Variants in MKLN1 observed in about 807,000 individuals in gnomAD.
The protein encoded by MKLN1 is muskelin.
MKLN1 carries 18 observed loss-of-function variants against 99.0 expected under a neutral mutation model. That is an observed-to-expected ratio of 0.18 (90% CI 0.13 to 0.27). The LOEUF is 0.27. Among genes scored for constraint, MKLN1 ranks in the 10% least tolerant of loss-of-function variants. MKLN1 has a pLI of 1.00. For synonymous variants in MKLN1, 288 were observed against 293.2 expected (o/e 0.98, Z 0.18); for missense variants, 621 against 875.9 (o/e 0.71, Z 3.67).
At chr7:131,205,841 T>C (rs1180589907) in intron 3 of MKLN1, among the ~76,000 whole-genome samples, 1 of 151,750 alleles carries the variant, frequency 6.6e-6, no homozygotes, top group Non-Finnish European at 1.5e-5. Context: ...TAAATCTTTC[T>C]CACCTCTGGA....
chr7:131,391,255 T>TA (rs1794191152), intron 4 of MKLN1, among the ~76,000 whole-genome samples: 1 of 152,080 alleles, frequency 6.6e-6, no homozygotes, highest in South Asian at 2.1e-4. Flanking sequence ...GAATTTGACT[T>TA]AAAAAAAGCC....
intron 3 of MKLN1, among the ~76,000 whole-genome samples, chr7:131,268,546 TG>T (rs1797841142): frequency 6.6e-6 from 1 of 152,214 alleles, no homozygotes; most frequent in South Asian, 2.1e-4. Context: ...TCTTCCATCT[TG>T]GGGCTCTGTC....
At chr7:131,191,086 G>A (rs1796534307) in intron 2 of MKLN1, among the ~76,000 whole-genome samples, 1 of 152,232 alleles carries the variant, frequency 6.6e-6, no homozygotes, top group Non-Finnish European at 1.5e-5. Context: ...GTCTTCATCA[G>A]TATAAGGTCA....
At chr7:131,341,924 C>T (rs1490376980) in intron 1 of MKLN1, among the ~76,000 whole-genome samples, 1 of 152,230 alleles carries the variant, frequency 6.6e-6, no homozygotes, top group Non-Finnish European at 1.5e-5. Context: ...CAGTTCCTTA[C>T]AGGAACCAGT....
chr7:131,135,085 C>T (rs1008547153), intron 1 of MKLN1, among the ~76,000 whole-genome samples: 2 of 152,188 alleles, frequency 1.3e-5, no homozygotes, highest in African/African-American at 4.8e-5. Flanking sequence ...TCATCTCCTC[C>T]TTCAGTGGTT....
At chr7:131,314,091 A>G (rs1051551606) in intron 3 of MKLN1, among the ~76,000 whole-genome samples, 4 of 152,192 alleles carry the variant, frequency 2.6e-5, no homozygotes, top group Admixed American at 2.0e-4. Context: ...TTCACTGTAA[A>G]CAACTGCTGT....
chr7:131,154,037 G>T (rs191252802), intron 2 of MKLN1, among the ~76,000 whole-genome samples: 1 of 152,250 alleles, frequency 6.6e-6, no homozygotes, highest in Admixed American at 6.5e-5. Flanking sequence ...GGGGAGGAAT[G>T]TGAGTCTACG....
chr7:131,421,669 A>C (rs1183567942), intron 8 of MKLN1, among the ~76,000 whole-genome samples: 1 of 150,642 alleles, frequency 6.6e-6, no homozygotes, highest in African/African-American at 2.5e-5. Flanking sequence ...AGCAGTGATT[A>C]ATTATGCTGA....
rs367758018 is a variant in MKLN1, at chr7:131,375,485, C to G, written c.160C>G (p.Pro54Ala). 2 of 1,603,784 alleles carry G rather than the reference C, an allele frequency of 1.2e-6. No homozygotes were observed. Among genetic ancestry groups the G allele is most frequent in the African/African-American group, 2.7e-5 (2 of 74,682 alleles). The change falls in exon 2 of 18, where the codon CCT becomes GCT. Residue 54 changes from proline (P) to alanine (A), a missense_variant. Pro to Ala is a conservative substitution (Grantham distance 27). Transcript: ENST00000352689. Reference protein sequence around the residue: ...SSRWSSESNYPPQYLILKLER... With the variant: ...SSRWSSESNYAPQYLILKLER... The stretch of plus-strand genomic sequence containing the variant: ...AAGATGGTCTTCAGAGAGCAACTAT[C>G]CTCCCCAGGTAAGATTACATGTATC...
chr7:131,452,225 T>C (rs980976956), intron 12 of MKLN1, among the ~76,000 whole-genome samples: 16 of 152,182 alleles, frequency 1.1e-4, no homozygotes, highest in East Asian at 1.9e-4. Context: ...AGAAAAATTA[T>C]ATAACTTCTC....
At chr7:131,485,178 G>A (rs1237199813) in intron 17 of MKLN1, among the ~76,000 whole-genome samples, 1 of 152,036 alleles carries the variant, frequency 6.6e-6, no homozygotes, top group Non-Finnish European at 1.5e-5. Context: ...ATTTCAAAAA[G>A]ACACAGAAGC....
At chr7:131,184,489 T>C (rs1411094778) in intron 2 of MKLN1, among the ~76,000 whole-genome samples, 1 of 152,098 alleles carries the variant, frequency 6.6e-6, no homozygotes, top group Non-Finnish European at 1.5e-5. Flanking sequence ...CAAGGCCCCA[T>C]GGGGACTTCC....
intron 2 of MKLN1, among the ~76,000 whole-genome samples, chr7:131,171,175 G>A (rs1468406154): frequency 1.3e-5 from 2 of 152,178 alleles, no homozygotes; most frequent in African/African-American, 4.8e-5. Context: ...TGCTGAAATG[G>A]TGAGGGAGGT....
At chr7:131,241,636 T>C (rs968907839) in intron 3 of MKLN1, among the ~76,000 whole-genome samples, 1 of 152,192 alleles carries the variant, frequency 6.6e-6, no homozygotes, top group African/African-American at 2.4e-5. Flanking sequence ...CCAGCCTGGG[T>C]GAGATCTTGT....
intron 3 of MKLN1, among the ~76,000 whole-genome samples, chr7:131,307,901 T>C (rs1441774888): frequency 6.6e-6 from 1 of 152,166 alleles, no homozygotes; most frequent in Non-Finnish European, 1.5e-5. Context: ...GAAAAGGACA[T>C]GAAATTGGGG....
At chr7:131,336,163 C>T (rs140436966) in intron 1 of MKLN1, among the ~76,000 whole-genome samples, 208 of 152,156 alleles carry the variant, frequency 1.4e-3, no homozygotes, top group African/African-American at 4.3e-3. Flanking sequence ...ACAAACTTAT[C>T]TTTCTAGTAC....
chr7:131,247,872 T>TTTTTGTTTTG (rs149673100), intron 3 of MKLN1, among the ~76,000 whole-genome samples: 5,813 of 151,624 alleles, frequency 0.038, 266 homozygotes, highest in East Asian at 0.2. Flanking sequence ...GCTACTGCCT[T>TTTTTGTTTTG]TTTTGTTTTG....
intron 12 of MKLN1, among the ~76,000 whole-genome samples, chr7:131,455,345 A>G (rs1796300739): frequency 6.6e-6 from 1 of 152,222 alleles, no homozygotes; most frequent in African/African-American, 2.4e-5. Flanking sequence ...GAAGGAAGAG[A>G]AAAGATGTGA....
chr7:131,118,585 A>G (rs754629751), intron 1 of MKLN1, among the ~76,000 whole-genome samples: 1 of 152,072 alleles, frequency 6.6e-6, no homozygotes, highest in African/African-American at 2.4e-5. Flanking sequence ...GAAAAGAAAG[A>G]AAGACATACC....
Sources: gnomAD v4.1 joint callset for allele counts (sites outside exome capture counted in the v4.1 genomes callset) on GRCh38, gnomAD v4.1.1 for gene constraint, MANE v1.5 for transcripts, NCBI Gene and HGNC (gene_info 2026-07-23, HGNC 2026-07-21) for gene names.